The following HECW2 variants were observed in gnomAD, a reference collection of about 807,000 sequenced individuals.
HECW2 encodes HECT, C2 and WW domain containing E3 ubiquitin protein ligase 2.
HECW2 carries 61 observed loss-of-function variants against 175.2 expected under a neutral mutation model. That is an observed-to-expected ratio of 0.35 (90% CI 0.28 to 0.43). The LOEUF (loss-of-function observed/expected upper bound fraction) is 0.43, where lower values mean the gene tolerates loss of function less well. HECW2 is among the 20% of genes least tolerant of loss of function. The probability of loss-of-function intolerance (pLI) is 1.00; values close to 1 mark genes in which losing one functional copy is unlikely to be tolerated. For synonymous variants in HECW2, 671 were observed against 731.0 expected (o/e 0.92, Z 1.32); for missense variants, 1,524 against 2,000.5 (o/e 0.76, Z 4.54).
chr2:196,592,971 G>A (rs1366402460), intron 1 of HECW2, among the ~76,000 whole-genome samples: 9 of 151,706 alleles, frequency 5.9e-5, no homozygotes, highest in Non-Finnish European at 1.2e-4. Context: ...ACGGAGCCGA[G>A]AGTCTCTGCG....
intron 2 of HECW2, among the ~76,000 whole-genome samples, chr2:196,375,191 A>G (rs1694019020): frequency 6.6e-6 from 1 of 152,110 alleles, no homozygotes; most frequent in African/African-American, 2.4e-5. Context: ...AAAGAAAAAG[A>G]AAACTAGTTT....
intron 13 of HECW2, among the ~76,000 whole-genome samples, chr2:196,299,489 T>C (rs1404899215): frequency 1.3e-5 from 2 of 152,316 alleles, no homozygotes; most frequent in East Asian, 1.9e-4. Flanking sequence ...GCCACAGTTG[T>C]ATCAGAATCA....
intron 13 of HECW2, among the ~76,000 whole-genome samples, chr2:196,294,096 A>C (rs1220381912): frequency 6.6e-6 from 1 of 152,112 alleles, no homozygotes; most frequent in African/African-American, 2.4e-5. Flanking sequence ...GTTTAAAAAA[A>C]CTCCACTATA....
chr2:196,574,436 A>G (rs80015553), intron 1 of HECW2, among the ~76,000 whole-genome samples: 1 of 148,090 alleles, frequency 6.8e-6, no homozygotes, highest in Admixed American at 6.8e-5. Flanking sequence ...TCTCAAGAAG[A>G]AAAAAAAAAA....
At chr2:196,415,386 G>A (rs904288023) in intron 2 of HECW2, among the ~76,000 whole-genome samples, 17 of 152,300 alleles carry the variant, frequency 1.1e-4, no homozygotes, top group Admixed American at 5.2e-4. Context: ...CAGTCTGTTC[G>A]TTTTGAACAA....
intron 23 of HECW2, among the ~76,000 whole-genome samples, chr2:196,224,832 G>T (rs892416026): frequency 2.0e-5 from 3 of 152,152 alleles, no homozygotes; most frequent in Non-Finnish European, 4.4e-5. Context: ...GATGCAAAGT[G>T]GGCCACAAAG....
chr2:196,554,182 C>T (rs1016829203), intron 1 of HECW2, among the ~76,000 whole-genome samples: 2 of 152,062 alleles, frequency 1.3e-5, no homozygotes, highest in Admixed American at 1.3e-4. Context: ...AAAAATTAGC[C>T]GGGCGCAGTG....
At chr2:196,329,061 GT>G (rs1051589180) in intron 5 of HECW2, among the ~76,000 whole-genome samples, 82 of 151,710 alleles carry the variant, frequency 5.4e-4, no homozygotes, top group African/African-American at 1.8e-3. Flanking sequence ...AATGAGTCTT[GT>G]CTCATAACTT....
At chr2:196,433,030 G>A (rs1695760795) in intron 2 of HECW2, 102 bp downstream of exon 2, 1 of 1,032,272 alleles carries the variant, frequency 9.7e-7, no homozygotes. Flanking sequence ...GTGTATATGT[G>A]CATGTGAATT....
chr2:196,539,276 G>A (rs2125462882), intron 1 of HECW2, among the ~76,000 whole-genome samples: 1 of 152,314 alleles, frequency 6.6e-6, no homozygotes, highest in South Asian at 2.1e-4. Context: ...CACAGGAAAT[G>A]TTAAGGCTTA....
intron 16 of HECW2, among the ~76,000 whole-genome samples, chr2:196,273,034 T>A (rs1689800785): frequency 6.7e-6 from 1 of 149,780 alleles, no homozygotes; most frequent in African/African-American, 2.5e-5. Context: ...CAAAGATAAA[T>A]GGAGAGCTGG....
intron 19 of HECW2, among the ~76,000 whole-genome samples, chr2:196,252,015 A>G (rs1553637329): frequency 6.6e-6 from 1 of 151,828 alleles, no homozygotes; most frequent in Non-Finnish European, 1.5e-5. Context: ...CCTGGCCAAC[A>G]TGATGAAACC....
At chr2:196,487,335 C>A (rs1687044161) in intron 1 of HECW2, among the ~76,000 whole-genome samples, 1 of 152,046 alleles carries the variant, frequency 6.6e-6, no homozygotes, top group Admixed American at 6.6e-5. Flanking sequence ...AGCAAAATAA[C>A]AAGGACTTAA....
At chr2:196,307,908 C>T (rs1198882621) in intron 11 of HECW2, 27 bp downstream of exon 11, 2 of 1,479,490 alleles carry the variant, frequency 1.4e-6, no homozygotes, top group African/African-American at 1.4e-5. Context: ...CAAAATACAA[C>T]AGTCACAGCA....
chr2:196,386,274 TG>T (rs1249011131), intron 2 of HECW2, among the ~76,000 whole-genome samples: 6 of 152,186 alleles, frequency 3.9e-5, no homozygotes, highest in Middle Eastern at 3.4e-3. Context: ...TTATAAGTGT[TG>T]GGGGAAAGAG....
intron 1 of HECW2, among the ~76,000 whole-genome samples, chr2:196,578,861 A>T (rs1269560996): frequency 9.2e-5 from 14 of 152,124 alleles, no homozygotes; most frequent in Non-Finnish European, 1.9e-4. Context: ...GGAGTCCTTG[A>T]GGCTGAAATA....
chr2:196,330,986 T>C (rs1037720760), intron 4 of HECW2: 14 of 199,608 alleles, frequency 7.0e-5, no homozygotes, highest in African/African-American at 2.4e-4. Flanking sequence ...CACACTCTTA[T>C]AAAAATCACA....
At chr2:196,475,878 A>G (rs998933253) in intron 1 of HECW2, among the ~76,000 whole-genome samples, 4 of 152,260 alleles carry the variant, frequency 2.6e-5, no homozygotes, top group African/African-American at 9.6e-5. Context: ...GTGTTGCTAC[A>G]GGAGAGCATT....
At chr2:196,356,336 T>C (rs1218937268) in intron 2 of HECW2, among the ~76,000 whole-genome samples, 1 of 152,232 alleles carries the variant, frequency 6.6e-6, no homozygotes, top group Non-Finnish European at 1.5e-5. Context: ...TCACCTCGTA[T>C]CCATAGTTTC....
Sources: gnomAD v4.1 joint callset for allele counts (sites outside exome capture counted in the v4.1 genomes callset) on GRCh38, gnomAD v4.1.1 for gene constraint, MANE v1.5 for transcripts, NCBI Gene and HGNC (gene_info 2026-07-23, HGNC 2026-07-21) for gene names.